NLRP8: variants seen among roughly 807,000 people sequenced by gnomAD.
NLRP8 encodes NACHT, LRR and PYD domains-containing protein 8.
NLRP8 carries 86 observed loss-of-function variants against 88.7 expected under a neutral mutation model. That is an observed-to-expected ratio of 0.97 (90% CI 0.81 to 1.16). NLRP8 has a LOEUF of 1.16. Among genes scored for constraint, NLRP8 ranks in the 50% most tolerant of loss-of-function variants. NLRP8 has a pLI of 0.00. For synonymous variants in NLRP8, 504 were observed against 494.6 expected (o/e 1.02, Z -0.25); for missense variants, 1,342 against 1,286.5 (o/e 1.04, Z -0.66).
At position 55,948,626 on chromosome 19, in the gene NLRP8, C is replaced by T. The variant is rs555517856; in HGVS notation, c.367+357C>T. On this transcript the variant is annotated intron_variant, in intron 1 of 9. Coordinates refer to ENST00000291971, the MANE Select transcript of NLRP8 (RefSeq NM_176811.2). ...AATTTTTTTTTATTTTTAGTAGAGA[C>T]GGGGTTTCACCATGTTGGCCAGGCT... 2.2e-3 allele frequency among the ~76,000 whole-genome samples: 338 copies of T among 152,014 alleles called. 1 individual carries two copies. The highest frequency in any genetic ancestry group is 4.3e-3 in the Non-Finnish European group (291 of 67,958).
chr19:55,952,434 C>A (rs2123184188), intron 1 of NLRP8, 104 bp from the exon 2 acceptor site: 2 of 825,654 alleles, frequency 2.4e-6, no homozygotes, highest in Admixed American at 1.9e-5. Context: ...GACTCTGAAG[C>A]CATGTGGCTG....
chr19:55,950,666 A>G (rs7343161), intron 1 of NLRP8, among the ~76,000 whole-genome samples: 103,182 of 152,144 alleles, frequency 0.68, 35,835 homozygotes, highest in African/African-American at 0.81. Context: ...CCCGTAAGCC[A>G]GTGTCATTTC....
intron 3 of NLRP8, among the ~76,000 whole-genome samples, chr19:55,960,844 T>TGATTAAACTATTTCCCC (rs1979576165): frequency 6.6e-6 from 1 of 151,856 alleles, no homozygotes. Context: ...GTGCTAGAGA[T>TGATTAAACTATTTCCCC]GATTAAACTA....
chr19:55,973,274 A>C (rs306485), intron 6 of NLRP8, among the ~76,000 whole-genome samples: 55,162 of 151,876 alleles, frequency 0.36, 10,649 homozygotes, highest in Non-Finnish European at 0.43. Flanking sequence ...TCGTGTCCTT[A>C]GCCCACTTTT....
intron 4 of NLRP8, among the ~76,000 whole-genome samples, chr19:55,963,205 G>A (rs985544532): frequency 3.9e-5 from 6 of 152,154 alleles, no homozygotes; most frequent in South Asian, 2.1e-4. Flanking sequence ...GTAGAGATGG[G>A]GTTTCACCAT....
At chr19:55,972,818 TGTG>T (rs929154709) in intron 6 of NLRP8, among the ~76,000 whole-genome samples, 5 of 150,556 alleles carry the variant, frequency 3.3e-5, no homozygotes, top group African/African-American at 1.2e-4. Context: ...TATGTGTGTG[TGTG>T]TGTGTGTGTG....
At chr19:55,975,233 GC>G (rs1980256543) in intron 7 of NLRP8, among the ~76,000 whole-genome samples, 1 of 152,130 alleles carries the variant, frequency 6.6e-6, no homozygotes, top group African/African-American at 2.4e-5. Flanking sequence ...CTAATTCAAT[GC>G]CCCAAGCATA....
intron 7 of NLRP8, among the ~76,000 whole-genome samples, chr19:55,975,053 T>C (rs1980248333): frequency 6.6e-6 from 1 of 152,214 alleles, no homozygotes; most frequent in East Asian, 1.9e-4. Flanking sequence ...GTTTGCACCA[T>C]GGAAACTGGC....
chr19:55,948,707 G>T (rs931501214), intron 1 of NLRP8, among the ~76,000 whole-genome samples: 1 of 152,150 alleles, frequency 6.6e-6, no homozygotes, highest in Non-Finnish European at 1.5e-5. Context: ...CAAAGTGCTG[G>T]GATTGCAGGT....
At chr19:55,956,609 G>A (rs908499942) in intron 3 of NLRP8, among the ~76,000 whole-genome samples, 3 of 152,088 alleles carry the variant, frequency 2.0e-5, no homozygotes, top group African/African-American at 7.2e-5. Context: ...AACTGTCCCA[G>A]TTTGTTTAGG....
intron 5 of NLRP8, among the ~76,000 whole-genome samples, chr19:55,968,126 A>C (rs1336134364): frequency 1.3e-5 from 2 of 152,190 alleles, no homozygotes; most frequent in Admixed American, 6.5e-5. Context: ...TCGTTTAATA[A>C]TTTTTTTAAC....
intron 3 of NLRP8, among the ~76,000 whole-genome samples, chr19:55,961,067 T>C (rs1979588207): frequency 6.6e-6 from 1 of 151,962 alleles, no homozygotes; most frequent in Admixed American, 6.6e-5. Flanking sequence ...CACACCTGTA[T>C]AATTTTTTTG....
chr19:55,950,424 AACACACAC>A (rs113284539), intron 1 of NLRP8, among the ~76,000 whole-genome samples: 1 of 149,092 alleles, frequency 6.7e-6, no homozygotes, highest in East Asian at 2.0e-4. Flanking sequence ...CATCTCAAGA[AACACACAC>A]ACACACACAC....
chr19:55,954,841 G>A lies in NLRP8; in HGVS notation c.783G>A (p.Glu261=), dbSNP rs1472442459. The A allele has an allele frequency of 6.2e-7, 1 of 1,614,226 alleles. No homozygotes were observed. The highest frequency in any genetic ancestry group is 1.3e-5 in the African/African-American group (1 of 75,066). Residue 261 remains glutamate (E), a synonymous_variant, in exon 3 of 10, where the codon GAG becomes GAA. Coordinates refer to ENST00000291971, the MANE Select transcript of NLRP8 (RefSeq NM_176811.2). ...ACCAGAGCTTCTCCGAGCTGATTGA[G>A]CAAAAGTGGCCTGGATCTCAGGACC...
At chr19:55,971,369 G>T (rs901901606) in intron 6 of NLRP8, among the ~76,000 whole-genome samples, 34 of 150,090 alleles carry the variant, frequency 2.3e-4, no homozygotes, top group African/African-American at 8.1e-4. Context: ...GAACCCAGGA[G>T]GCTAGAGGTT....
Position 55,947,832 on chromosome 19 carries a change from G to T in NLRP8, c.-71G>T. ...GTTTTATTGTTTTATGTCTCTGCAG[G>T]TCTCGTGTTTCTCTCTTCCAATCGG... is the stretch of plus-strand genomic sequence containing the variant. On this transcript the variant is annotated 5_prime_UTR_variant, in exon 1 of 10. Coordinates refer to ENST00000291971, the MANE Select transcript of NLRP8 (RefSeq NM_176811.2). 2.7e-6 allele frequency: 4 copies of T among 1,494,682 alleles called. No homozygotes were observed. The highest frequency in any genetic ancestry group is 1.3e-5 in the South Asian group (1 of 76,344). 92.6% of individuals were successfully genotyped at this position (1,494,682 alleles called of 1,614,324 possible). A position where few individuals can be genotyped will look rare whatever the true frequency, so the allele number is the denominator to read the frequency against.
At chr19:55,965,942 G>C (rs1455643002) in intron 4 of NLRP8, among the ~76,000 whole-genome samples, 1 of 151,974 alleles carries the variant, frequency 6.6e-6, no homozygotes, top group Non-Finnish European at 1.5e-5. Flanking sequence ...TGCTGAGAAT[G>C]ATGGTTCCAA....
At position 55,952,488 on chromosome 19, in the gene NLRP8, T is replaced by C. The variant is rs112283347; in HGVS notation, c.368-50T>C. The C allele has an allele frequency of 5.3e-4, 794 of 1,498,212 alleles. 2 individuals carry two copies. In the African/African-American group the frequency reaches 9.1e-3, roughly 17 times the overall value. The allele number at this position is 1,498,212 out of a possible 1,614,324, so 92.8% of individuals were successfully genotyped here. ...CATTGGCTCCATGCTGTTTCCCTGCTACCAAGATCTTATCATTCCCGTGGA... is the reference window on the plus strand; with the variant it reads ...CATTGGCTCCATGCTGTTTCCCTGCCACCAAGATCTTATCATTCCCGTGGA... On this transcript the variant is annotated intron_variant, in intron 1 of 9. Transcript: ENST00000291971.
chr19:55,979,506 G>C lies in NLRP8; in HGVS notation c.2989G>C (p.Gly997Arg). 2 of 1,614,186 alleles carry C rather than the reference G, an allele frequency of 1.2e-6. No individual in the cohort carries two copies. The highest frequency in any genetic ancestry group is 1.7e-6 in the Non-Finnish European group (2 of 1,180,020). The change falls in exon 9 of 10, where the codon GGT becomes CGT. Residue 997 changes from glycine to arginine, a missense_variant. Transcript: ENST00000291971. ...GAGCAAGAATGCGATTGGAGTCTATGGTATTCTGACCTTGTGCGAGGCCTT... is the reference window on the plus strand; with the variant it reads ...GAGCAAGAATGCGATTGGAGTCTATCGTATTCTGACCTTGTGCGAGGCCTT...
Sources: allele counts gnomAD v4.1 joint callset (sites outside exome capture counted in the v4.1 genomes callset), GRCh38; gene constraint gnomAD v4.1.1; transcripts MANE v1.5; gene names NCBI Gene and HGNC (gene_info 2026-07-23, HGNC 2026-07-21).